Variants in RAB2A observed in about 807,000 individuals in gnomAD.
The protein encoded by RAB2A is ras-related protein Rab-2A.
In RAB2A, 7 loss-of-function variants were observed where a neutral mutation model predicts 32.5. The ratio of observed to expected loss-of-function variants is 0.22; its 90% CI spans 0.12 to 0.40. RAB2A has a LOEUF of 0.40. Among genes scored for constraint, RAB2A ranks in the 10% least tolerant of loss-of-function variants. RAB2A has a pLI of 1.00. For missense variants in RAB2A, 108 were observed against 260.7 expected (o/e 0.41, Z 4.03); for synonymous variants, 79 against 85.2 (o/e 0.93, Z 0.40).
intron 3 of RAB2A, among the ~76,000 whole-genome samples, chr8:60,578,693 G>T (rs1026428201): frequency 6.6e-6 from 1 of 152,176 alleles, no homozygotes; most frequent in Non-Finnish European, 1.5e-5. Flanking sequence ...GTTATATTTT[G>T]TGGGAGTAGA....
At chr8:60,600,768 A>G (rs964521459) in intron 6 of RAB2A, among the ~76,000 whole-genome samples, 13 of 152,350 alleles carry the variant, frequency 8.5e-5, no homozygotes, top group East Asian at 1.9e-4. Flanking sequence ...CTATACAGCA[A>G]TCTGGATAAA....
At chr8:60,582,174 C>G (rs1401371559) in intron 3 of RAB2A, among the ~76,000 whole-genome samples, 3 of 151,932 alleles carry the variant, frequency 2.0e-5, no homozygotes, top group East Asian at 1.9e-4. Context: ...GTTTTGAACT[C>G]CTGGCCTCAA....
rs994377644 is a variant in RAB2A, at chr8:60,622,180, G to T, written c.*1411G>T. 2.0e-5 allele frequency: 3 copies of T among 152,188 alleles called. No homozygotes were observed. Among genetic ancestry groups the T allele is most frequent in the African/African-American group, 7.2e-5 (3 of 41,436 alleles). 9.4% of individuals were successfully genotyped at this position (152,188 alleles called of 1,614,324 possible). On this transcript the variant is annotated 3_prime_UTR_variant, in exon 8 of 8. Transcript: ENST00000262646. Reference sequence around the variant, plus strand: ...TACTGAAATTATTTTTGTTGATGGTGTAAGCAGTGTAAGCAAGTGTTTTCT... The same window carrying T: ...TACTGAAATTATTTTTGTTGATGGTTTAAGCAGTGTAAGCAAGTGTTTTCT...
At chr8:60,584,165 C>A in intron 3 of RAB2A, 43 bp from the exon 4 acceptor site, 1 of 1,399,826 alleles carries the variant, frequency 7.1e-7, no homozygotes, top group Non-Finnish European at 1.0e-6. Flanking sequence ...ATGTAGAGGA[C>A]ATTGTATTAA....
chr8:60,547,440 G>A (rs991812648), intron 1 of RAB2A, among the ~76,000 whole-genome samples: 3 of 152,126 alleles, frequency 2.0e-5, no homozygotes, highest in East Asian at 1.9e-4. Flanking sequence ...TGGTGGCCGG[G>A]CAGAGGGGCT....
intron 1 of RAB2A, among the ~76,000 whole-genome samples, chr8:60,543,392 ACT>A (rs35265798): frequency 0.016 from 2,345 of 151,102 alleles, 29 homozygotes; most frequent in Middle Eastern, 0.031. Flanking sequence ...ACTTAACTGT[ACT>A]CTCTATCCCT....
At chr8:60,545,256 C>T (rs1030060728) in intron 1 of RAB2A, among the ~76,000 whole-genome samples, 4 of 152,036 alleles carry the variant, frequency 2.6e-5, no homozygotes, top group South Asian at 2.1e-4. Flanking sequence ...TTGGGCCCCA[C>T]GAAAGACGTG....
At chr8:60,545,322 G>A (rs1417998801) in intron 1 of RAB2A, among the ~76,000 whole-genome samples, 1 of 151,934 alleles carries the variant, frequency 6.6e-6, no homozygotes, top group African/African-American at 2.4e-5. Context: ...TTTTATTTTT[G>A]GAGATAAGGT....
intron 1 of RAB2A, among the ~76,000 whole-genome samples, chr8:60,526,461 T>C (rs184366459): frequency 6.6e-6 from 1 of 152,302 alleles, no homozygotes; most frequent in African/African-American, 2.4e-5. Flanking sequence ...GTTTTCCACT[T>C]TTAAGGACTC....
chr8:60,528,602 G>T (rs774712818), intron 1 of RAB2A, among the ~76,000 whole-genome samples: 1 of 152,010 alleles, frequency 6.6e-6, no homozygotes, highest in Non-Finnish European at 1.5e-5. Flanking sequence ...TTCCTACCCT[G>T]TGTTGGCGTT....
At chr8:60,603,517 A>G (rs144691256) in intron 6 of RAB2A, among the ~76,000 whole-genome samples, 130 of 152,282 alleles carry the variant, frequency 8.5e-4, no homozygotes, top group African/African-American at 2.9e-3. Flanking sequence ...GTTGAGGGGG[A>G]AAAGAGGCAA....
intron 1 of RAB2A, among the ~76,000 whole-genome samples, chr8:60,544,966 A>G: frequency 6.6e-6 from 1 of 152,018 alleles, no homozygotes; most frequent in Non-Finnish European, 1.5e-5. Flanking sequence ...GCTGGTTTTG[A>G]ACTCCTGAGC....
intron 5 of RAB2A, among the ~76,000 whole-genome samples, chr8:60,590,076 C>T (rs907496596): frequency 6.6e-6 from 1 of 152,038 alleles, no homozygotes; most frequent in African/African-American, 2.4e-5. Context: ...ATTCTCCCGC[C>T]TCAGTCTCCT....
In RAB2A at chr8:60,591,852, G is replaced by C; in HGVS notation, c.363-6G>C. 6.4e-7 allele frequency: 1 copy of C among 1,570,614 alleles called. No individual in the cohort carries two copies. ...AGTAATGTGACCCTTTCTTTCCCAT[G>C]TTTAGTGATTTAGAATCTAGAAGAG... On this transcript the variant is annotated splice_region_variant and splice_polypyrimidine_tract_variant and intron_variant, in intron 5 of 7. Transcript: ENST00000262646.
chr8:60,533,330 G>A (rs564262138), intron 1 of RAB2A, among the ~76,000 whole-genome samples: 7 of 152,320 alleles, frequency 4.6e-5, no homozygotes, highest in African/African-American at 1.7e-4. Flanking sequence ...ACAGGAGCCC[G>A]TGCTCAGGAG....
chr8:60,575,177 C>A (rs1296674058), intron 3 of RAB2A, among the ~76,000 whole-genome samples: 1 of 148,686 alleles, frequency 6.7e-6, no homozygotes, highest in Non-Finnish European at 1.5e-5. Context: ...CAGCTCACTG[C>A]AGCCTCAAAC....
chr8:60,618,446 C>A lies in RAB2A; in HGVS notation c.475-134C>A, dbSNP rs149667462. ...TTCTTTATTAATATGTTATTAATATCTTTGTTCTTTATTAATATGTATTAC... is the reference window on the plus strand; with the variant it reads ...TTCTTTATTAATATGTTATTAATATATTTGTTCTTTATTAATATGTATTAC... On this transcript the variant is annotated intron_variant, in intron 6 of 7. Transcript: ENST00000262646. 4.6e-4 allele frequency: 149 copies of A among 320,878 alleles called. 1 individual carries two copies. The Middle Eastern group carries it at 6.0e-3, about 13-fold the overall frequency. 19.9% of individuals were successfully genotyped at this position (320,878 alleles called of 1,614,324 possible).
At chr8:60,524,248 C>T (rs1005543110) in intron 1 of RAB2A, among the ~76,000 whole-genome samples, 1 of 152,188 alleles carries the variant, frequency 6.6e-6, no homozygotes, top group Non-Finnish European at 1.5e-5. Flanking sequence ...CTGCTTCCCT[C>T]CTTCATTTTA....
At chr8:60,547,828 G>A (rs1218055628) in intron 1 of RAB2A, among the ~76,000 whole-genome samples, 2 of 122,584 alleles carry the variant, frequency 1.6e-5, no homozygotes, top group Admixed American at 7.4e-5. Context: ...GCCGGGCGGG[G>A]GGCTGACCCC....
Sources: allele counts gnomAD v4.1 joint callset (sites outside exome capture counted in the v4.1 genomes callset), GRCh38; gene constraint gnomAD v4.1.1; transcripts MANE v1.5; gene names NCBI Gene and HGNC (gene_info 2026-07-23, HGNC 2026-07-21).